ENPP6: variants seen among roughly 807,000 people sequenced by gnomAD.
The protein encoded by ENPP6 is glycerophosphocholine cholinephosphodiesterase ENPP6.
A neutral mutation model predicts 42.0 loss-of-function variants in ENPP6; 32 were observed. The observed-to-expected ratio is 0.76, with a 90% CI of 0.58 to 1.02. The LOEUF (loss-of-function observed/expected upper bound fraction) is 1.02, where lower values mean the gene tolerates loss of function less well. Among genes scored for constraint, ENPP6 ranks in the 50% least tolerant of loss-of-function variants. ENPP6 has a pLI of 0.00. For synonymous variants in ENPP6, 213 were observed against 216.0 expected (o/e 0.99, Z 0.12); for missense variants, 552 against 566.8 (o/e 0.97, Z 0.27).
intron 1 of ENPP6, among the ~76,000 whole-genome samples, chr4:184,212,767 G>A (rs1310209901): frequency 6.6e-6 from 1 of 151,794 alleles, no homozygotes; most frequent in Non-Finnish European, 1.5e-5. Flanking sequence ...TCAAAAAAGA[G>A]CCCGTATCGC....
intron 2 of ENPP6, among the ~76,000 whole-genome samples, chr4:184,131,198 T>C (rs1304886678): frequency 9.4e-4 from 44 of 46,956 alleles, no homozygotes; most frequent in Admixed American, 5.9e-3. Flanking sequence ...TCTTTCTTTC[T>C]TTCTTCTTTC....
intron 1 of ENPP6, among the ~76,000 whole-genome samples, chr4:184,164,972 C>T (rs1010214292): frequency 1.3e-5 from 2 of 152,246 alleles, no homozygotes; most frequent in South Asian, 4.1e-4. Flanking sequence ...CTCAGGAAGC[C>T]CACAGGAGAA....
At chr4:184,161,556 T>C (rs1223239850) in intron 1 of ENPP6, among the ~76,000 whole-genome samples, 1 of 152,168 alleles carries the variant, frequency 6.6e-6, no homozygotes, top group Non-Finnish European at 1.5e-5. Context: ...AAGAGGTCAT[T>C]ATATGAAAAA....
chr4:184,133,261 G>A (rs1007343534), intron 2 of ENPP6, among the ~76,000 whole-genome samples: 7 of 151,888 alleles, frequency 4.6e-5, no homozygotes, highest in African/African-American at 1.7e-4. Context: ...AAAATACTAA[G>A]ACTACCAGTT....
intron 2 of ENPP6, among the ~76,000 whole-genome samples, chr4:184,136,023 A>T (rs549813338): frequency 6.6e-6 from 1 of 152,084 alleles, no homozygotes; most frequent in Non-Finnish European, 1.5e-5. Flanking sequence ...TCCATCACAC[A>T]TTTGATAGTT....
chr4:184,210,153 C>T (rs1206981548), intron 1 of ENPP6, among the ~76,000 whole-genome samples: 10 of 151,392 alleles, frequency 6.6e-5, no homozygotes, highest in African/African-American at 1.2e-4. Context: ...TAAAGACCAT[C>T]GAGACTAGGA....
chr4:184,195,302 C>G (rs1328706800), intron 1 of ENPP6, among the ~76,000 whole-genome samples: 1 of 152,044 alleles, frequency 6.6e-6, no homozygotes, highest in Non-Finnish European at 1.5e-5. Flanking sequence ...TCCGATAGGC[C>G]CCAGTGTGTG....
At chr4:184,113,920 T>TTTCTTTC in intron 5 of ENPP6, among the ~76,000 whole-genome samples, 1 of 136,612 alleles carries the variant, frequency 7.3e-6, no homozygotes, top group East Asian at 2.1e-4. Context: ...TCTTTCTTTC[T>TTTCTTTC]TTCTTTCTTT....
In ENPP6 at chr4:184,089,056, A is replaced by G. The variant is rs1376883999; in HGVS notation, c.*2121T>C. On this transcript the variant is annotated 3_prime_UTR_variant, in exon 8 of 8. Coordinates refer to ENST00000296741, the MANE Select transcript of ENPP6 (RefSeq NM_153343.4). Reference sequence around the variant, plus strand: ...AGTGGGCTCTACTGAATTCATTGGAACACCGTCCTTTAAGGAGAAAGAAAC... The same window carrying G: ...AGTGGGCTCTACTGAATTCATTGGAGCACCGTCCTTTAAGGAGAAAGAAAC... 7.2e-5 allele frequency: 11 copies of G among 152,158 alleles called. No homozygotes were observed. The highest frequency in any genetic ancestry group is 2.7e-4 in the African/African-American group (11 of 41,444). The allele number at this position is 152,158 out of a possible 1,614,324, so 9.4% of individuals were successfully genotyped here.
chr4:184,186,732 T>C (rs896000446), intron 1 of ENPP6, among the ~76,000 whole-genome samples: 1 of 152,038 alleles, frequency 6.6e-6, no homozygotes, highest in African/African-American at 2.4e-5. Flanking sequence ...GAGGATGACA[T>C]CAGTAGTGGA....
intron 2 of ENPP6, among the ~76,000 whole-genome samples, chr4:184,135,418 T>G (rs1347667873): frequency 6.6e-6 from 1 of 152,228 alleles, no homozygotes; most frequent in East Asian, 1.9e-4. Flanking sequence ...TCTTAGCAGA[T>G]AAAAATTGAT....
intron 3 of ENPP6, among the ~76,000 whole-genome samples, chr4:184,119,059 G>A (rs1736372043): frequency 6.6e-6 from 1 of 152,230 alleles, no homozygotes; most frequent in Admixed American, 6.5e-5. Flanking sequence ...CCTACAGTAT[G>A]ATTGCCTGTC....
At chr4:184,151,760 G>A (rs551339690) in intron 2 of ENPP6, among the ~76,000 whole-genome samples, 28 of 152,236 alleles carry the variant, frequency 1.8e-4, no homozygotes, top group African/African-American at 6.5e-4. Context: ...ACCTCAAAGT[G>A]CAACAAAATC....
At chr4:184,205,722 G>C (rs1207793654) in intron 1 of ENPP6, among the ~76,000 whole-genome samples, 1 of 135,156 alleles carries the variant, frequency 7.4e-6, no homozygotes, top group Non-Finnish European at 1.7e-5. Flanking sequence ...AGTAGAGGAG[G>C]CTCCAGGCAG....
At chr4:184,139,452 C>T (rs1736784594) in intron 2 of ENPP6, among the ~76,000 whole-genome samples, 1 of 147,354 alleles carries the variant, frequency 6.8e-6, no homozygotes. Context: ...GTGCGCTGCA[C>T]CCACTAACTC....
chr4:184,103,695 GGC>G (rs1736042260), intron 6 of ENPP6, among the ~76,000 whole-genome samples: 1 of 152,258 alleles, frequency 6.6e-6, no homozygotes, highest in East Asian at 1.9e-4. Context: ...CCTGCAAAGA[GGC>G]TTCCAGCCAG....
intron 1 of ENPP6, among the ~76,000 whole-genome samples, chr4:184,214,454 C>T (rs1235025052): frequency 6.6e-6 from 1 of 152,182 alleles, no homozygotes; most frequent in Non-Finnish European, 1.5e-5. Flanking sequence ...CATCCCCATC[C>T]ACTGTGAAAT....
At chr4:184,098,718 G>C (rs1049961710) in intron 6 of ENPP6, among the ~76,000 whole-genome samples, 15 of 152,270 alleles carry the variant, frequency 9.9e-5, no homozygotes, top group African/African-American at 3.6e-4. Context: ...GAAATAGAGG[G>C]CTGAGAGAAG....
chr4:184,114,472 GAA>G (rs1423022194), intron 5 of ENPP6, among the ~76,000 whole-genome samples: 1 of 152,210 alleles, frequency 6.6e-6, no homozygotes, highest in Admixed American at 6.5e-5. Context: ...TCTACTTAAG[GAA>G]ATCCGGAGTT....
Sources: gnomAD v4.1 joint callset for allele counts (sites outside exome capture counted in the v4.1 genomes callset) on GRCh38, gnomAD v4.1.1 for gene constraint, MANE v1.5 for transcripts, NCBI Gene and HGNC (gene_info 2026-07-23, HGNC 2026-07-21) for gene names.